Variants in ZNRF1 observed in about 807,000 individuals in gnomAD.
ZNRF1 encodes the protein E3 ubiquitin-protein ligase ZNRF1.
A neutral mutation model predicts 18.4 loss-of-function variants in ZNRF1; 3 were observed. The ratio of observed to expected loss-of-function variants is 0.16; its 90% CI spans 0.07 to 0.42. The LOEUF (loss-of-function observed/expected upper bound fraction) is 0.42. Ranked by LOEUF, ZNRF1 falls within the 10% of genes least tolerant of loss-of-function variation. ZNRF1 has a pLI of 0.99. For synonymous variants in ZNRF1, 157 were observed against 144.2 expected, an observed-to-expected ratio of 1.09 and a Z score of -0.64; for missense variants, 310 against 329.8, an observed-to-expected ratio of 0.94 and a Z score of 0.47.
At chr16:75,040,882 AC>A (rs763805604) in intron 1 of ZNRF1, among the ~76,000 whole-genome samples, 3 of 152,110 alleles carry the variant, frequency 2.0e-5, no homozygotes, top group Non-Finnish European at 4.4e-5. Flanking sequence ...TGCAGGGATT[AC>A]AGGCATAAGC....
chr16:75,102,590 C>G (rs2036266657), intron 2 of ZNRF1, among the ~76,000 whole-genome samples: 1 of 152,200 alleles, frequency 6.6e-6, no homozygotes, highest in Admixed American at 6.5e-5. Context: ...CTCTTTTCAC[C>G]TGCCCTTCAA....
intron 1 of ZNRF1, among the ~76,000 whole-genome samples, chr16:75,006,543 G>A (rs1314349937): frequency 6.6e-6 from 1 of 152,028 alleles, no homozygotes; most frequent in Non-Finnish European, 1.5e-5. Context: ...TCAAGTGATT[G>A]GCCTGCCCCA....
chr16:75,050,903 A>AAAC (rs1567478940), intron 1 of ZNRF1, among the ~76,000 whole-genome samples: 50 of 132,556 alleles, frequency 3.8e-4, no homozygotes, highest in African/African-American at 1.4e-3. Flanking sequence ...AAAAAACAAA[A>AAAC]AACTTGTAGC....
chr16:75,000,408 A>C (rs2034830355), intron 1 of ZNRF1: 2 of 551,194 alleles, frequency 3.6e-6, no homozygotes, highest in South Asian at 3.1e-5. Context: ...GGCTGAGAGC[A>C]AGTCAGCCTG....
chr16:75,004,886 G>A (rs1263657072), intron 1 of ZNRF1, among the ~76,000 whole-genome samples: 1 of 152,178 alleles, frequency 6.6e-6, no homozygotes, highest in African/African-American at 2.4e-5. Context: ...AAGGTATTGG[G>A]ATTATAGGCA....
rs1404759983 is a variant in ZNRF1, at chr16:75,110,207, C to G, written c.*2507C>G. Reference sequence around the variant, plus strand: ...CTGTGGTGTCCTCTGAATTTGGACCCAGGTTGCCTGCTCTTGTTGTGGGGG... The same window carrying G: ...CTGTGGTGTCCTCTGAATTTGGACCGAGGTTGCCTGCTCTTGTTGTGGGGG... On this transcript the variant is annotated 3_prime_UTR_variant, in exon 5 of 5. Coordinates refer to ENST00000335325, the MANE Select transcript of ZNRF1 (RefSeq NM_032268.5). 6.6e-6 allele frequency: 1 copy of G among 152,450 alleles called. No individual in the cohort carries two copies. Among genetic ancestry groups the G allele is most frequent in the African/African-American group, 2.4e-5 (1 of 41,474 alleles). The allele number at this position is 152,450 out of a possible 1,614,324, so 9.4% of individuals were successfully genotyped here.
chr16:75,045,800 C>T (rs1023564670), intron 1 of ZNRF1, among the ~76,000 whole-genome samples: 2 of 150,858 alleles, frequency 1.3e-5, no homozygotes, highest in African/African-American at 2.4e-5. Context: ...ACTGCAGTCT[C>T]GAATTCCTGG....
intron 1 of ZNRF1, among the ~76,000 whole-genome samples, chr16:75,023,325 C>A (rs1001813574): frequency 1.3e-5 from 2 of 152,176 alleles, no homozygotes. Flanking sequence ...CATTCACATA[C>A]CCACACCTTC....
chr16:75,091,026 C>G (rs927020120), intron 1 of ZNRF1, among the ~76,000 whole-genome samples: 1 of 152,160 alleles, frequency 6.6e-6, no homozygotes, highest in African/African-American at 2.4e-5. Flanking sequence ...GCTGGGATTA[C>G]AGGCGTGAGA....
chr16:75,004,106 A>G (rs1018406624), intron 1 of ZNRF1, among the ~76,000 whole-genome samples: 1 of 152,062 alleles, frequency 6.6e-6, no homozygotes, highest in African/African-American at 2.4e-5. Context: ...GACCACAGGC[A>G]TGAGCCACCG....
At chr16:75,077,834 G>T (rs1271006533) in intron 1 of ZNRF1, among the ~76,000 whole-genome samples, 2 of 152,038 alleles carry the variant, frequency 1.3e-5, no homozygotes, top group Non-Finnish European at 2.9e-5. Context: ...AAAGCTAATG[G>T]CAAAGCATCT....
At chr16:75,088,991 C>T (rs1286484064) in intron 1 of ZNRF1, among the ~76,000 whole-genome samples, 1 of 152,134 alleles carries the variant, frequency 6.6e-6, no homozygotes, top group Non-Finnish European at 1.5e-5. Flanking sequence ...TGCTGGCCAC[C>T]CCCTAGTGGA....
intron 1 of ZNRF1, among the ~76,000 whole-genome samples, chr16:75,028,946 G>T (rs1306386253): frequency 3.9e-5 from 6 of 152,060 alleles, no homozygotes; most frequent in African/African-American, 1.4e-4. Flanking sequence ...TACCTCAAAT[G>T]TTGAAAGGCA....
intron 3 of ZNRF1, 23 bp from the exon 4 acceptor site, chr16:75,106,459 C>T: frequency 1.2e-6 from 2 of 1,614,078 alleles, no homozygotes; most frequent in Non-Finnish European, 1.7e-6. Context: ...AACGTGGTTT[C>T]CCTTGCGGCC....
At chr16:75,078,314 T>C (rs1353571819) in intron 1 of ZNRF1, among the ~76,000 whole-genome samples, 1 of 148,468 alleles carries the variant, frequency 6.7e-6, no homozygotes, top group African/African-American at 2.5e-5. Flanking sequence ...TTTTTTTTTT[T>C]TTTTGACAGA....
intron 2 of ZNRF1, among the ~76,000 whole-genome samples, chr16:75,098,352 C>T (rs2036222521): frequency 6.6e-6 from 1 of 152,244 alleles, no homozygotes; most frequent in Non-Finnish European, 1.5e-5. Flanking sequence ...GTATGAAGCG[C>T]TCCAGGCCTG....
At chr16:75,003,645 A>G (rs1454261906) in intron 1 of ZNRF1, among the ~76,000 whole-genome samples, 1 of 152,184 alleles carries the variant, frequency 6.6e-6, no homozygotes, top group Non-Finnish European at 1.5e-5. Context: ...TCCGCCTCTT[A>G]TCTGAAAACA....
chr16:75,026,320 G>A lies in ZNRF1; in HGVS notation c.424+26225G>A, dbSNP rs150392428. Among the ~76,000 whole-genome samples, 1,025 of 152,042 alleles carry A rather than the reference G, an allele frequency of 6.7e-3. 7 individuals carry two copies. Among genetic ancestry groups the A allele is most frequent in the African/African-American group, 0.024 (994 of 41,446 alleles). On this transcript the variant is annotated intron_variant, in intron 1 of 4. Coordinates refer to ENST00000335325, the MANE Select transcript of ZNRF1 (RefSeq NM_032268.5). ...AGCAACTGTGTGGGCAAGAGTAAAAGTACTGGCATAGAACCTGGAAACAAG... is the reference window on the plus strand; with the variant it reads ...AGCAACTGTGTGGGCAAGAGTAAAAATACTGGCATAGAACCTGGAAACAAG...
At chr16:75,022,209 C>T (rs2035159896) in intron 1 of ZNRF1, among the ~76,000 whole-genome samples, 1 of 150,906 alleles carries the variant, frequency 6.6e-6, no homozygotes, top group African/African-American at 2.4e-5. Context: ...GAGATGAGAT[C>T]ATGCCACTGC....
Sources: allele counts gnomAD v4.1 joint callset (sites outside exome capture counted in the v4.1 genomes callset), GRCh38; gene constraint gnomAD v4.1.1; transcripts MANE v1.5; gene names NCBI Gene and HGNC (gene_info 2026-07-23, HGNC 2026-07-21).